The following TUSC3 variants were observed in gnomAD, a reference collection of about 807,000 sequenced individuals.
TUSC3 encodes tumor suppressor candidate 3.
A neutral mutation model predicts 44.8 loss-of-function variants in TUSC3; 45 were observed. That is an observed-to-expected ratio of 1.00 (90% CI 0.79 to 1.29). TUSC3 has a LOEUF of 1.29. Ranked by LOEUF, TUSC3 falls within the 50% of genes most tolerant of loss-of-function variation. The pLI is 0.00. For synonymous variants in TUSC3, 212 were observed against 152.9 expected (o/e 1.39, Z -2.85); for missense variants, 519 against 437.9 (o/e 1.19, Z -1.65).
the TUSC3 span, among the ~76,000 whole-genome samples, chr8:15,849,596 A>C: frequency 6.6e-6 from 1 of 152,158 alleles, no homozygotes; most frequent in Non-Finnish European, 1.5e-5. Context: ...TGTGATTTCA[A>C]CTGGGCATCC....
intron 2 of TUSC3, among the ~76,000 whole-genome samples, chr8:15,485,293 A>G (rs144331845): frequency 4.9e-4 from 74 of 152,214 alleles, no homozygotes; most frequent in African/African-American, 1.7e-3. Context: ...CCTGTGTTCT[A>G]TTAGAATTTC....
chr8:15,515,869 C>T (rs1801210063), intron 2 of TUSC3, among the ~76,000 whole-genome samples: 1 of 152,008 alleles, frequency 6.6e-6, no homozygotes, highest in Admixed American at 6.6e-5. Context: ...CGGAGTTTCA[C>T]CATATTGGCC....
chr8:15,499,196 T>C (rs897433603), intron 2 of TUSC3, among the ~76,000 whole-genome samples: 4 of 152,184 alleles, frequency 2.6e-5, no homozygotes, highest in Non-Finnish European at 5.9e-5. Context: ...TCTCTTTCTA[T>C]GTTTTACTCT....
chr8:15,614,487 C>G (rs775486629), intron 1 of TUSC3, among the ~76,000 whole-genome samples: 1 of 152,142 alleles, frequency 6.6e-6, no homozygotes, highest in Non-Finnish European at 1.5e-5. Context: ...TGCTTATCTA[C>G]TTCTTGTCTT....
At chr8:15,778,161 A>C in the TUSC3 span, among the ~76,000 whole-genome samples, 2 of 151,858 alleles carry the variant, frequency 1.3e-5, no homozygotes, top group East Asian at 1.9e-4. Flanking sequence ...CCTTGTTTCC[A>C]ACTAATTAGG....
intron 4 of TUSC3, 28 bp downstream of exon 4, chr8:15,659,675 T>C: frequency 6.2e-7 from 1 of 1,609,858 alleles, no homozygotes; most frequent in African/African-American, 1.3e-5. Flanking sequence ...ACAGTTTTAA[T>C]AATAGGCTGG....
chr8:15,484,643 G>C (rs574269224), intron 2 of TUSC3, among the ~76,000 whole-genome samples: 1 of 152,282 alleles, frequency 6.6e-6, no homozygotes, highest in Non-Finnish European at 1.5e-5. Flanking sequence ...TTGGCAATAT[G>C]TTGTATTATT....
At chr8:15,609,003 G>C (rs532795203) in intron 1 of TUSC3, among the ~76,000 whole-genome samples, 2 of 152,088 alleles carry the variant, frequency 1.3e-5, no homozygotes, top group Admixed American at 1.3e-4. Context: ...AAAAACAAGC[G>C]TTGGAAATTT....
chr8:15,642,909 C>T (rs960518559), intron 2 of TUSC3, among the ~76,000 whole-genome samples: 1 of 152,128 alleles, frequency 6.6e-6, no homozygotes, highest in Non-Finnish European at 1.5e-5. Context: ...TTTGCTAATT[C>T]TTTATTATTA....
At chr8:15,807,105 T>C in the TUSC3 span, 1 of 1,243,224 alleles carries the variant, frequency 8.0e-7, no homozygotes, top group South Asian at 1.2e-5. Flanking sequence ...AGGATGCCCG[T>C]TATACACAGC....
At chr8:15,634,029 G>T (rs1475530620) in intron 2 of TUSC3, among the ~76,000 whole-genome samples, 5 of 152,170 alleles carry the variant, frequency 3.3e-5, no homozygotes, top group African/African-American at 1.2e-4. Context: ...GATCTCTACT[G>T]TGATCCGAGG....
chr8:15,672,136 C>A (rs1167581301), intron 5 of TUSC3, among the ~76,000 whole-genome samples: 1 of 151,902 alleles, frequency 6.6e-6, no homozygotes, highest in Admixed American at 6.6e-5. Context: ...AGAAGAGTGG[C>A]CTGAATGGAG....
chr8:15,805,621 C>T, the TUSC3 span, among the ~76,000 whole-genome samples: 1 of 152,056 alleles, frequency 6.6e-6, no homozygotes, highest in South Asian at 2.1e-4. Flanking sequence ...GTTTATGTGA[C>T]GAATTTACTG....
chr8:15,685,676 C>G (rs1443109546), intron 6 of TUSC3, among the ~76,000 whole-genome samples: 1 of 152,102 alleles, frequency 6.6e-6, no homozygotes, highest in Non-Finnish European at 1.5e-5. Flanking sequence ...GGGGGAAACA[C>G]TGTTTAGAAT....
intron 7 of TUSC3, among the ~76,000 whole-genome samples, chr8:15,737,680 G>C (rs1022741310): frequency 3.3e-5 from 5 of 152,134 alleles, no homozygotes; most frequent in Non-Finnish European, 7.4e-5. Flanking sequence ...ATAAGGCAAA[G>C]CTAGACGGCT....
chr8:15,436,642 C>G (rs1408266918), intron 1 of TUSC3, among the ~76,000 whole-genome samples: 8 of 152,040 alleles, frequency 5.3e-5, no homozygotes, highest in Non-Finnish European at 4.4e-5. Flanking sequence ...TACTTATTGA[C>G]TATGTATATA....
intron 7 of TUSC3, among the ~76,000 whole-genome samples, chr8:15,741,199 C>A (rs963381783): frequency 6.6e-6 from 1 of 152,030 alleles, no homozygotes; most frequent in Admixed American, 6.6e-5. Context: ...ACCCTAAGAA[C>A]ATACTAATAT....
At chr8:15,846,035 T>C in the TUSC3 span, among the ~76,000 whole-genome samples, 1 of 151,972 alleles carries the variant, frequency 6.6e-6, no homozygotes, top group African/African-American at 2.4e-5. Context: ...GATAAACCCA[T>C]GAGATCTCGT....
rs988648625 is a variant in TUSC3, at chr8:15,615,244, T to G, written c.139-7836T>G. Among the ~76,000 whole-genome samples the G allele has an allele frequency of 4.6e-5, 7 of 152,146 alleles. No individual in the cohort carries two copies. In the East Asian group the frequency reaches 1.3e-3, roughly 29 times the overall value. On this transcript the variant is annotated intron_variant, in intron 1 of 10. Coordinates refer to ENST00000503731, the MANE Select transcript of TUSC3 (RefSeq NM_006765.4). ...TCAATAGATGAATGGATAACAAAAG[T>G]GTTGTATATACACAATGGAATGTTA...
Sources: gnomAD v4.1 joint callset for allele counts (sites outside exome capture counted in the v4.1 genomes callset) on GRCh38, gnomAD v4.1.1 for gene constraint, MANE v1.5 for transcripts, NCBI Gene and HGNC (gene_info 2026-07-23, HGNC 2026-07-21) for gene names.